The following ECT2 variants were observed in gnomAD, a reference collection of about 807,000 sequenced individuals.
The protein encoded by ECT2 is epithelial cell transforming 2.
Under a neutral mutation model 116.9 loss-of-function variants are expected in ECT2, and 61 were observed. The ratio of observed to expected loss-of-function variants is 0.52; its 90% confidence interval spans 0.42 to 0.65. The LOEUF (loss-of-function observed/expected upper bound fraction) is 0.65, where lower values mean the gene tolerates loss of function less well. Ranked by LOEUF, ECT2 falls within the 30% of genes least tolerant of loss-of-function variation. The pLI, the probability that ECT2 is intolerant of heterozygous loss-of-function variation, is 0.00. For missense variants in ECT2, 937 were observed against 1,078.7 expected, an observed-to-expected ratio of 0.87 and a Z score of 1.84; for synonymous variants, 358 against 346.4, an observed-to-expected ratio of 1.03 and a Z score of -0.37.
At chr3:172,817,424 C>G (rs1014506518) in intron 24 of ECT2, among the ~76,000 whole-genome samples, 1 of 151,996 alleles carries the variant, frequency 6.6e-6, no homozygotes, top group African/African-American at 2.4e-5. Context: ...AAAAGAAACG[C>G]GTTTCAATCT....
chr3:172,775,311 G>GT (rs553118914), intron 14 of ECT2, among the ~76,000 whole-genome samples: 8 of 151,988 alleles, frequency 5.3e-5, no homozygotes, highest in Non-Finnish European at 1.2e-4. Context: ...ATATAAGATT[G>GT]TTTTTTATTT....
chr3:172,776,015 C>G (rs1158281544), intron 14 of ECT2, among the ~76,000 whole-genome samples: 1 of 151,998 alleles, frequency 6.6e-6, no homozygotes, highest in Non-Finnish European at 1.5e-5. Context: ...GTCTGGACAC[C>G]CTTCTTTGAC....
At chr3:172,825,579 A>C (rs948932767), downstream of ECT2, among the ~76,000 whole-genome samples, 1 of 152,224 alleles carries the variant, frequency 6.6e-6, no homozygotes, top group African/African-American at 2.4e-5. Context: ...TGGTCTAGAG[A>C]GAAGATCAAA....
At position 172,799,654 on chromosome 3, in the gene ECT2, A is replaced by G. The variant is rs76668006; in HGVS notation, c.1908-2962A>G. On this transcript the variant is annotated intron_variant, in intron 18 of 24. Coordinates refer to ENST00000392692, the MANE Select transcript of ECT2 (RefSeq NM_001258315.2). ...GGCATTCTTTGCTTTAATTCAACCCAGTTCTAAAATACTACTCAATGGCTA... is the reference window on the plus strand; with the variant it reads ...GGCATTCTTTGCTTTAATTCAACCCGGTTCTAAAATACTACTCAATGGCTA... Among the ~76,000 whole-genome samples the G allele has an allele frequency of 5.0e-3, 760 of 152,300 alleles. 23 individuals are homozygous for G. In the East Asian group the frequency reaches 0.076, roughly 15 times the overall value.
downstream of ECT2, among the ~76,000 whole-genome samples, chr3:172,825,098 ATTC>A (rs1197841117): frequency 1.3e-5 from 2 of 152,148 alleles, no homozygotes; most frequent in African/African-American, 4.8e-5. Context: ...CATTTTTGTA[ATTC>A]TTGCAATATT....
intron 18 of ECT2, among the ~76,000 whole-genome samples, chr3:172,802,105 G>GTTTTTGTTTTTGTTTTT (rs2109019115): frequency 6.7e-6 from 1 of 148,712 alleles, no homozygotes; most frequent in East Asian, 1.9e-4. Context: ...TTTTGTTTTT[G>GTTTTTGTTTTTGTTTTT]TTTTTGTTTT....
rs1018519634 is a variant in ECT2 at position 172,760,344 on chromosome 3, T to C, written c.684+81T>C. ...TTTAATAATAGCAGTCTTTTATCTA[T>C]TTCTTTCACAATTAAAGAAGAGAAA... is the stretch of plus-strand genomic sequence containing the variant. On this transcript the variant is annotated intron_variant, in intron 7 of 24. Transcript: ENST00000392692. 24 of 721,990 alleles carry C rather than the reference T, an allele frequency of 3.3e-5. No homozygotes were observed. The Admixed American group carries it at 3.4e-4, about 10-fold the overall frequency. The allele number at this position is 721,990 out of a possible 1,614,324, so 44.7% of individuals were successfully genotyped here. A position where few individuals can be genotyped will look rare whatever the true frequency, so the allele number is the denominator to read the frequency against.
rs940328413 is a variant in ECT2, at chr3:172,820,452, G to A, written c.*215G>A. 4 of 342,800 alleles carry A rather than the reference G, an allele frequency of 1.2e-5. No homozygotes were observed. The highest frequency in any genetic ancestry group is 6.4e-5 in the African/African-American group (3 of 47,060). 21.2% of individuals were successfully genotyped at this position (342,800 alleles called of 1,614,324 possible). ...TGTAAAAAATGATAGTGATTTTGAT[G>A]TAATTTATCTCTTGTTTGAATCTGT... On this transcript the variant is annotated 3_prime_UTR_variant, in exon 25 of 25. Coordinates refer to ENST00000392692, the MANE Select transcript of ECT2 (RefSeq NM_001258315.2).
downstream of ECT2, among the ~76,000 whole-genome samples, chr3:172,824,654 T>C (rs1370456578): frequency 6.6e-6 from 1 of 152,184 alleles, no homozygotes; most frequent in Non-Finnish European, 1.5e-5. Flanking sequence ...ATTACTGTTC[T>C]ACAATCTTGC....
At chr3:172,797,759 C>T (rs1031250088) in intron 18 of ECT2, among the ~76,000 whole-genome samples, 1 of 152,124 alleles carries the variant, frequency 6.6e-6, no homozygotes, top group African/African-American at 2.4e-5. Context: ...AAGAAAATGT[C>T]CTGTGTTGCC....
At chr3:172,785,121 A>G (rs150028332) in intron 17 of ECT2, among the ~76,000 whole-genome samples, 37 of 152,312 alleles carry the variant, frequency 2.4e-4, no homozygotes, top group Non-Finnish European at 4.6e-4. Flanking sequence ...CAAAATCACA[A>G]GGAGAAGATA....
chr3:172,797,061 T>A (rs1290610946), intron 18 of ECT2, among the ~76,000 whole-genome samples: 1 of 151,238 alleles, frequency 6.6e-6, no homozygotes, highest in Non-Finnish European at 1.5e-5. Flanking sequence ...TGTCAGGGTC[T>A]CATTCTGTCA....
intron 15 of ECT2, among the ~76,000 whole-genome samples, chr3:172,782,453 C>T (rs1172067634): frequency 6.6e-6 from 1 of 152,172 alleles, no homozygotes; most frequent in Non-Finnish European, 1.5e-5. Context: ...TGCCAATTAT[C>T]ATGCTGTGGT....
At chr3:172,826,216 G>C (rs1173173382), downstream of ECT2, among the ~76,000 whole-genome samples, 1 of 152,172 alleles carries the variant, frequency 6.6e-6, no homozygotes, top group Non-Finnish European at 1.5e-5. Flanking sequence ...TTCATAGCTA[G>C]ACAGAAGTCA....
intron 14 of ECT2, among the ~76,000 whole-genome samples, chr3:172,781,105 C>CT (rs1177622003): frequency 2.0e-5 from 3 of 152,052 alleles, no homozygotes; most frequent in Non-Finnish European, 2.9e-5. Context: ...TTAAGTTCAT[C>CT]TTTTTGCATG....
downstream of ECT2, among the ~76,000 whole-genome samples, chr3:172,826,056 G>A (rs369780910): frequency 3.9e-5 from 6 of 152,252 alleles, no homozygotes; most frequent in East Asian, 7.7e-4. Context: ...GCCACGCCCT[G>A]CTAATTTTTT....
intron 21 of ECT2, among the ~76,000 whole-genome samples, chr3:172,807,479 C>T (rs1444040385): frequency 1.3e-5 from 2 of 152,134 alleles, no homozygotes; most frequent in African/African-American, 4.8e-5. Flanking sequence ...ACTTTTGTAA[C>T]ACTTAATATT....
intron 18 of ECT2, among the ~76,000 whole-genome samples, chr3:172,797,617 A>G (rs1441691143): frequency 6.6e-6 from 1 of 152,110 alleles, no homozygotes; most frequent in East Asian, 1.9e-4. Context: ...ATTGAATTCA[A>G]GTGCTCTTTT....
At chr3:172,804,037 A>G (rs1051755743) in intron 20 of ECT2, among the ~76,000 whole-genome samples, 6 of 152,044 alleles carry the variant, frequency 3.9e-5, no homozygotes, top group East Asian at 1.9e-4. Flanking sequence ...GACTCAAACA[A>G]TTTACCCACC....
Sources: gnomAD v4.1 joint callset for allele counts (sites outside exome capture counted in the v4.1 genomes callset) on GRCh38, gnomAD v4.1.1 for gene constraint, MANE v1.5 for transcripts, NCBI Gene and HGNC (gene_info 2026-07-23, HGNC 2026-07-21) for gene names.